Variants in MAST2 observed in about 807,000 individuals in gnomAD.
The protein encoded by MAST2 is microtubule associated serine/threonine kinase 2.
MAST2 carries 70 observed loss-of-function variants against 147.4 expected under a neutral mutation model. The observed-to-expected ratio is 0.47, with a 90% CI of 0.39 to 0.58. The LOEUF is 0.58. Among genes scored for constraint, MAST2 ranks in the 20% least tolerant of loss-of-function variants. The pLI is 0.00. For synonymous variants in MAST2, 869 were observed against 896.8 expected (o/e 0.97, Z 0.55); for missense variants, 2,080 against 2,302.3 (o/e 0.90, Z 1.98).
Position 46,028,860 on chromosome 1 carries a change from G to T in MAST2, c.2145G>T (p.Leu715=), listed in dbSNP as rs761534538. Residue 715 remains leucine, a synonymous_variant, in exon 18 of 29, where the codon CTG becomes CTT. Coordinates refer to ENST00000361297, the MANE Select transcript of MAST2 (RefSeq NM_015112.3). ...ACTGGTGGGCCATGGGCATTATCCT[G>T]TATGAGTTCCTGGTGGGCTGCGTCC... ...PVDWWAMGII[L]YEFLVGCVPF... 1 of 1,613,092 alleles carries T rather than the reference G, an allele frequency of 6.2e-7. No individual in the cohort carries two copies. The highest frequency in any genetic ancestry group is 1.3e-5 in the African/African-American group (1 of 74,870).
intron 4 of MAST2, among the ~76,000 whole-genome samples, chr1:45,892,591 T>C (rs1418050641): frequency 2.0e-5 from 3 of 152,216 alleles, no homozygotes; most frequent in African/African-American, 7.2e-5. Context: ...CAAGCAATGC[T>C]ATTGGAAGCC....
chr1:45,994,940 G>T (rs1318584378), intron 5 of MAST2, among the ~76,000 whole-genome samples: 1 of 151,432 alleles, frequency 6.6e-6, no homozygotes, highest in South Asian at 2.1e-4. Flanking sequence ...CTGGGTTCAC[G>T]CCATTCTCCT....
At chr1:45,880,506 C>T (rs1197697213) in intron 3 of MAST2, among the ~76,000 whole-genome samples, 1 of 152,090 alleles carries the variant, frequency 6.6e-6, no homozygotes, top group African/African-American at 2.4e-5. Flanking sequence ...AGTATATGTA[C>T]TTAACAGACT....
chr1:45,947,306 T>TAAAAAAAA, intron 4 of MAST2, among the ~76,000 whole-genome samples: 1 of 112,670 alleles, frequency 8.9e-6, no homozygotes, highest in Non-Finnish European at 1.8e-5. Context: ...TGATGAGCTT[T>TAAAAAAAA]AAAAAAAAAA....
intron 5 of MAST2, among the ~76,000 whole-genome samples, chr1:45,969,816 T>A (rs1643840949): frequency 6.6e-6 from 1 of 152,156 alleles, no homozygotes; most frequent in Non-Finnish European, 1.5e-5. Context: ...GCCTCCCCAC[T>A]TCCTGGTCCA....
chr1:45,827,467 T>C (rs1644828695), intron 2 of MAST2, among the ~76,000 whole-genome samples: 1 of 152,154 alleles, frequency 6.6e-6, no homozygotes. Context: ...AGGCCTTTAT[T>C]TTGAAGAGAG....
intron 3 of MAST2, among the ~76,000 whole-genome samples, chr1:45,880,212 G>A (rs1646783441): frequency 6.6e-6 from 1 of 152,126 alleles, no homozygotes. Context: ...AAATTAACTG[G>A]GGTATATTAT....
intron 3 of MAST2, among the ~76,000 whole-genome samples, chr1:45,836,745 TG>T (rs1645113680): frequency 6.6e-6 from 1 of 152,228 alleles, no homozygotes; most frequent in African/African-American, 2.4e-5. Context: ...TTCAGTTTGA[TG>T]ACTTTTGGCA....
chr1:46,023,878 G>A lies in MAST2; in HGVS notation c.1678G>A (p.Glu560Lys). 6.2e-7 allele frequency: 1 copy of A among 1,614,164 alleles called. No individual in the cohort carries two copies. The highest frequency in any genetic ancestry group is 8.5e-7 in the Non-Finnish European group (1 of 1,180,036). ...LRNQIQQAFV[E>K]RDILTFAENP... ...GAACCAGATCCAGCAGGCCTTCGTG[G>A]AGCGTGACATACTGACTTTCGCTGA... Residue 560 changes from glutamate (E) to lysine (K), a missense_variant, in exon 15 of 29, where the codon GAG (glutamate) becomes AAG (lysine). Glu to Lys is a moderately conservative substitution (Grantham distance 56). This residue lies in a region of MAST2 where 209 missense variants were observed against 309.5 expected (regional missense o/e 0.68). Coordinates refer to ENST00000361297, the MANE Select transcript of MAST2 (RefSeq NM_015112.3). The surrounding 1 kb of genome is among the most constrained non-coding windows in gnomAD (Gnocchi z 4.9).
chr1:45,882,705 G>A (rs1462564933), intron 4 of MAST2, among the ~76,000 whole-genome samples: 1 of 152,180 alleles, frequency 6.6e-6, no homozygotes. Context: ...AGTTTTCGTA[G>A]ACTCAAGCTA....
At chr1:46,033,671 G>T in intron 26 of MAST2, 131 bp from the exon 27 acceptor site, 1 of 1,162,770 alleles carries the variant, frequency 8.6e-7, no homozygotes, top group Non-Finnish European at 1.2e-6. Flanking sequence ...TAGGCCTGTG[G>T]TTCAGATGTG....
At chr1:46,029,691 G>T in intron 19 of MAST2, 124 bp downstream of exon 19, 1 of 1,354,764 alleles carries the variant, frequency 7.4e-7, no homozygotes. Flanking sequence ...ACTCTGCCCT[G>T]CTCTGTAGGC....
chr1:45,939,730 C>T (rs1249755603), intron 4 of MAST2, among the ~76,000 whole-genome samples: 5 of 152,186 alleles, frequency 3.3e-5, no homozygotes, highest in East Asian at 3.9e-4. Flanking sequence ...TTCCTAGAAA[C>T]GGAGTTTCAC....
intron 3 of MAST2, among the ~76,000 whole-genome samples, chr1:45,853,330 G>A (rs1253974491): frequency 6.6e-6 from 1 of 151,840 alleles, no homozygotes; most frequent in Non-Finnish European, 1.5e-5. Context: ...AGAGTGTTTT[G>A]CATAACACAT....
At chr1:45,939,980 G>GTTTTTTGTT (rs1656940265) in intron 4 of MAST2, among the ~76,000 whole-genome samples, 1 of 97,286 alleles carries the variant, frequency 1.0e-5, no homozygotes, top group South Asian at 3.6e-4. Context: ...TTTATTTAGG[G>GTTTTTTGTT]TTTTTTTTTT....
At chr1:45,993,492 T>A (rs906505914) in intron 5 of MAST2, among the ~76,000 whole-genome samples, 6 of 152,126 alleles carry the variant, frequency 3.9e-5, no homozygotes, top group African/African-American at 1.2e-4. Context: ...GAGACCAGCC[T>A]GGCCAACATG....
chr1:46,013,585 C>A (rs1645805418), intron 10 of MAST2, among the ~76,000 whole-genome samples: 1 of 151,712 alleles, frequency 6.6e-6, no homozygotes, highest in Non-Finnish European at 1.5e-5. Flanking sequence ...GAGGCTGAGG[C>A]AGGAGAATCG....
chr1:45,955,455 A>G (rs1659523229), intron 4 of MAST2, among the ~76,000 whole-genome samples: 1 of 152,176 alleles, frequency 6.6e-6, no homozygotes, highest in Non-Finnish European at 1.5e-5. Flanking sequence ...GGTTGAATCC[A>G]TGGATGTGGA....
intron 4 of MAST2, among the ~76,000 whole-genome samples, chr1:45,942,662 G>A (rs77908310): frequency 0.01 from 1,554 of 152,278 alleles, 18 homozygotes; most frequent in East Asian, 0.034. Context: ...GCTAGGGGCA[G>A]TAAATTGTGT....
Sources: allele counts gnomAD v4.1 joint callset (sites outside exome capture counted in the v4.1 genomes callset), GRCh38; gene constraint gnomAD v4.1.1; regional missense constraint gnomAD v4.1.1; non-coding constraint Gnocchi (gnomAD v3.1); transcripts MANE v1.5; gene names NCBI Gene and HGNC (gene_info 2026-07-23, HGNC 2026-07-21).